The following DCST1 variants were observed in gnomAD, a reference collection of about 807,000 sequenced individuals.
DCST1 encodes DC-STAMP domain containing 1, also known as E3 ubiquitin-protein ligase DCST1.
A neutral mutation model predicts 89.1 loss-of-function variants in DCST1; 78 were observed. The ratio of observed to expected loss-of-function variants is 0.88; its 90% confidence interval spans 0.73 to 1.06. The LOEUF is 1.06. Ranked by LOEUF, DCST1 falls within the 50% of genes least tolerant of loss-of-function variation. DCST1 has a pLI of 0.00. For missense variants in DCST1, 900 were observed against 928.6 expected, an observed-to-expected ratio of 0.97 and a Z score of 0.40; for synonymous variants, 364 against 371.9, an observed-to-expected ratio of 0.98 and a Z score of 0.24.
At chr1:155,037,944 T>C (rs1317136743) in intron 4 of DCST1, among the ~76,000 whole-genome samples, 2 of 152,260 alleles carry the variant, frequency 1.3e-5, no homozygotes, top group Admixed American at 6.5e-5. Flanking sequence ...TGTCCTGTTC[T>C]ACCATGACTG....
chr1:155,043,220 G>A (rs535477479), intron 9 of DCST1, 132 bp from the exon 10 acceptor site: 2 of 1,321,602 alleles, frequency 1.5e-6, no homozygotes, highest in East Asian at 2.4e-5. Context: ...AGAAGGAAGT[G>A]ACAACTCCTA....
At chr1:155,046,263 G>A in intron 12 of DCST1, 43 bp downstream of exon 12, 1 of 1,614,136 alleles carries the variant, frequency 6.2e-7, no homozygotes, top group Non-Finnish European at 8.5e-7. Flanking sequence ...GCAAAGACAG[G>A]CCTGAAGGTG....
Position 155,043,477 on chromosome 1 carries a change from G to A in DCST1, c.1140G>A (p.Leu380=), listed in dbSNP as rs1660502005. 6.2e-7 allele frequency: 1 copy of A among 1,607,388 alleles called. No individual in the cohort carries two copies. The highest frequency in any genetic ancestry group is 2.2e-5 in the East Asian group (1 of 44,856). ...LEWALGLLHV[L]LSCTFLLVLH... ...GGGCCCTGGGGCTGCTGCACGTGCT[G>A]CTCTCCTGCACTTTCCTGCTGGTCC... Residue 380 remains leucine, a synonymous_variant, in exon 10 of 17, where the codon CTG becomes CTA. Transcript: ENST00000295542.
chr1:155,048,993 G>C (rs765912318), intron 16 of DCST1: 1 of 717,004 alleles, frequency 1.4e-6, no homozygotes, highest in Non-Finnish European at 2.6e-6. Flanking sequence ...CCTTGGCCAA[G>C]GTCTTCACTG....
chr1:155,040,576 T>C lies in DCST1; in HGVS notation c.483T>C (p.Ala161=). Residue 161 remains alanine (A), a synonymous_variant, in exon 6 of 17, where the codon GCT becomes GCC. Coordinates refer to ENST00000295542, the MANE Select transcript of DCST1 (RefSeq NM_152494.4). ...VELQINNTRA[A]WRISTAPLRA... The stretch of plus-strand genomic sequence containing the variant: ...TGCAGATCAACAACACCCGCGCAGC[T>C]TGGCGCATCTCCACAGCCCCCTTAC... 6.3e-7 allele frequency: 1 copy of C among 1,587,694 alleles called. No individual in the cohort carries two copies. Among genetic ancestry groups the C allele is most frequent in the Non-Finnish European group, 8.6e-7 (1 of 1,166,072 alleles).
Position 155,042,741 on chromosome 1 carries a change from A to G in DCST1, c.899A>G (p.Glu300Gly), listed in dbSNP as rs763496612. The G allele has an allele frequency of 6.2e-7, 1 of 1,614,038 alleles. No individual in the cohort carries two copies. The highest frequency in any genetic ancestry group is 8.5e-7 in the Non-Finnish European group (1 of 1,179,968). Reference protein sequence around the residue: ...KFFCGIAKVMEVWCRNRIPVE... With the variant: ...KFFCGIAKVMGVWCRNRIPVE... ...CCCGTCCACTGTTCACCAGTGATGG[A>G]GGTTTGGTGCCGCAATCGCATCCCA... The change falls in exon 9 of 17, where the codon GAG becomes GGG. Residue 300 changes from glutamate to glycine, a missense_variant. Glu to Gly is a moderately conservative substitution (Grantham distance 98). Transcript: ENST00000295542.
At chr1:155,035,703 G>A (rs1660261065) in intron 4 of DCST1, among the ~76,000 whole-genome samples, 1 of 152,136 alleles carries the variant, frequency 6.6e-6, no homozygotes, top group Non-Finnish European at 1.5e-5. Flanking sequence ...GCTGAGGCGG[G>A]TGGATCACCT....
intron 2 of DCST1, 103 bp from the exon 3 acceptor site, chr1:155,034,332 T>A (rs755650344): frequency 9.4e-5 from 151 of 1,606,282 alleles, no homozygotes; most frequent in Non-Finnish European, 1.2e-4. Context: ...CTGTTTCACA[T>A]GCCAGGTTTC....
In DCST1 at chr1:155,040,626, T is replaced by C. The variant is rs1347915774; in HGVS notation, c.531+2T>C. ...CGGGCCATGTTCAAGGACCTGCTGGTCAGGAATCTGCACAGGCAGAGCCTG... is the reference window on the plus strand; with the variant it reads ...CGGGCCATGTTCAAGGACCTGCTGGCCAGGAATCTGCACAGGCAGAGCCTG... On this transcript the variant is annotated splice_donor_variant, in intron 6 of 16. Transcript: ENST00000295542. LOFTEE classifies it high-confidence loss of function. 1 of 1,570,100 alleles carries C rather than the reference T, an allele frequency of 6.4e-7. No homozygotes were observed. Among genetic ancestry groups the C allele is most frequent in the South Asian group, 1.2e-5 (1 of 85,610 alleles).
In DCST1 at chr1:155,034,497, C is replaced by T; in HGVS notation, c.124C>T (p.Pro42Ser). The change falls in exon 3 of 17, where the codon CCG (proline) becomes TCG (serine). Residue 42 changes from proline to serine, a missense_variant. Physicochemically the swap from Pro to Ser is moderately conservative, Grantham distance 74. Transcript: ENST00000295542. ...CTGTAGCTGGTTCCTGTGGCGCCAG[C>T]CGGGCGAGTTTCCTGTCACTGCTCT... Reference protein sequence around the residue: ...VSCSWFLWRQPGEFPVTALLL... With the variant: ...VSCSWFLWRQSGEFPVTALLL... 1.2e-6 allele frequency: 2 copies of T among 1,613,704 alleles called. No homozygotes were observed. Among genetic ancestry groups the T allele is most frequent in the Non-Finnish European group, 1.7e-6 (2 of 1,179,874 alleles).
At chr1:155,037,420 G>T (rs2102351704) in intron 4 of DCST1, among the ~76,000 whole-genome samples, 1 of 150,344 alleles carries the variant, frequency 6.7e-6, no homozygotes, top group South Asian at 2.1e-4. Flanking sequence ...CCCCTTCCAG[G>T]AAATCCACAT....
intron 10 of DCST1, 86 bp from the exon 11 acceptor site, chr1:155,045,805 AAT>A (rs1170623800): frequency 6.1e-6 from 7 of 1,145,922 alleles, no homozygotes; most frequent in Non-Finnish European, 9.2e-6. Flanking sequence ...TGGTTGGTTG[AAT>A]GACTGTGCCT....
chr1:155,048,022 C>A (rs200709699), intron 15 of DCST1, 35 bp from the exon 16 acceptor site: 1 of 1,613,432 alleles, frequency 6.2e-7, no homozygotes, highest in Non-Finnish European at 8.5e-7. Context: ...TTGGGGGATG[C>A]CTTTCTCTAT....
Position 155,043,780 on chromosome 1 carries a change from C to A in DCST1, c.1172+271C>A, listed in dbSNP as rs75014516. 8.9e-3 allele frequency among the ~76,000 whole-genome samples: 1,354 copies of A among 151,770 alleles called. 15 individuals carry two copies. The highest frequency in any genetic ancestry group is 0.031 in the African/African-American group (1,266 of 41,414). On this transcript the variant is annotated intron_variant, in intron 10 of 16. Transcript: ENST00000295542. The stretch of plus-strand genomic sequence containing the variant: ...TCCCAATACTGATTTTTTTTTTTTA[C>A]GTTTAGCTTTGACTTTTGATTTTTT...
Position 155,040,566 on chromosome 1 carries a change from C to A in DCST1, c.473C>A (p.Thr158Asn). 2 of 1,590,148 alleles carry A rather than the reference C, an allele frequency of 1.3e-6. No individual in the cohort carries two copies. Among genetic ancestry groups the A allele is most frequent in the South Asian group, 2.3e-5 (2 of 87,492 alleles). ...ACCGTGGAGCTGCAGATCAACAACA[C>A]CCGCGCAGCTTGGCGCATCTCCACA... ...GCTVELQINN[T>N]RAAWRISTAP... Residue 158 changes from threonine (T) to asparagine (N), a missense_variant, in exon 6 of 17, where the codon ACC becomes AAC. Thr to Asn is a moderately conservative substitution (Grantham distance 65). Transcript: ENST00000295542.
chr1:155,046,539 C>T lies in DCST1; in HGVS notation c.1495+53C>T. 4 of 1,591,978 alleles carry T rather than the reference C, an allele frequency of 2.5e-6. No individual in the cohort carries two copies. In the South Asian group the frequency reaches 4.4e-5, roughly 18 times the overall value. The stretch of plus-strand genomic sequence containing the variant: ...GGCCCAAGAGACACCCTCTGGAGAA[C>T]TCCAATGCCTGCACAGCCACCCCAC... On this transcript the variant is annotated intron_variant, in intron 13 of 16. Coordinates refer to ENST00000295542, the MANE Select transcript of DCST1 (RefSeq NM_152494.4).
chr1:155,041,321 GGA>G (rs1430378047), intron 6 of DCST1, 74 bp from the exon 7 acceptor site: 6 of 1,489,152 alleles, frequency 4.0e-6, no homozygotes, highest in Non-Finnish European at 5.6e-6. Flanking sequence ...GGCTACTGGG[GGA>G]GGACAGGCCC....
intron 14 of DCST1, 81 bp downstream of exon 14, chr1:155,047,393 G>C (rs1316103395): frequency 6.2e-6 from 8 of 1,283,232 alleles, no homozygotes; most frequent in Non-Finnish European, 8.8e-6. Flanking sequence ...AAAGAGTTAG[G>C]GGCCTGGGCC....
intron 10 of DCST1, chr1:155,045,151 T>C (rs1660575980): frequency 6.6e-6 from 1 of 152,280 alleles, no homozygotes; most frequent in Admixed American, 6.5e-5. Context: ...AAGATGTGGA[T>C]TTTTACAGGG....
Sources: allele counts gnomAD v4.1 joint callset (sites outside exome capture counted in the v4.1 genomes callset), GRCh38; gene constraint gnomAD v4.1.1; transcripts MANE v1.5; gene names NCBI Gene and HGNC (gene_info 2026-07-23, HGNC 2026-07-21).